The following MALRD1 variants were observed in gnomAD, a reference collection of about 807,000 sequenced individuals.
MALRD1 encodes MAM and LDL receptor class A domain containing 1, also known as MAM and LDL-receptor class A domain-containing protein 1.
In MALRD1, 247 loss-of-function variants were observed where a neutral mutation model predicts 242.1. The ratio of observed to expected loss-of-function variants is 1.02; its 90% CI spans 0.92 to 1.13. The LOEUF (loss-of-function observed/expected upper bound fraction) is 1.13. Among genes scored for constraint, MALRD1 ranks in the 50% most tolerant of loss-of-function variants. MALRD1 has a pLI of 0.00. For missense variants in MALRD1, 2,989 were observed against 2,533.1 expected (o/e 1.18, Z -3.86); for synonymous variants, 995 against 866.6 (o/e 1.15, Z -2.60).
At chr10:19,310,224 G>A (rs907687802) in intron 21 of MALRD1, among the ~76,000 whole-genome samples, 2 of 151,416 alleles carry the variant, frequency 1.3e-5, no homozygotes, top group African/African-American at 4.8e-5. Flanking sequence ...GCTTAGATTT[G>A]CTTTTTTACT....
At chr10:19,259,587 C>T (rs113953636) in intron 19 of MALRD1, among the ~76,000 whole-genome samples, 10 of 152,204 alleles carry the variant, frequency 6.6e-5, no homozygotes, top group South Asian at 2.1e-4. Context: ...GACCCGCCCC[C>T]GTGATTCAAT....
At chr10:19,113,802 C>CACAG (rs1176647590) in intron 5 of MALRD1, among the ~76,000 whole-genome samples, 33 of 140,276 alleles carry the variant, frequency 2.4e-4, no homozygotes, top group African/African-American at 8.6e-4. Flanking sequence ...TACACACACA[C>CACAG]ACACACACAC....
chr10:19,203,076 A>G (rs1836620279), intron 14 of MALRD1, among the ~76,000 whole-genome samples: 1 of 152,164 alleles, frequency 6.6e-6, no homozygotes, highest in African/African-American at 2.4e-5. Context: ...TTATTACATT[A>G]CTAACATTAT....
intron 18 of MALRD1, among the ~76,000 whole-genome samples, chr10:19,222,204 C>T (rs1008019921): frequency 2.0e-5 from 3 of 151,994 alleles, no homozygotes; most frequent in Non-Finnish European, 4.4e-5. Context: ...CCTGGAAGCA[C>T]ATATACCAGC....
intron 5 of MALRD1, among the ~76,000 whole-genome samples, chr10:19,118,551 C>T (rs184180459): frequency 1.3e-5 from 2 of 152,104 alleles, no homozygotes; most frequent in East Asian, 1.9e-4. Flanking sequence ...AATAAGAGCT[C>T]GTAGAGACCA....
At chr10:19,425,927 G>A (rs189160031) in intron 28 of MALRD1, among the ~76,000 whole-genome samples, 3 of 152,034 alleles carry the variant, frequency 2.0e-5, no homozygotes, top group Admixed American at 1.3e-4. Context: ...TCTAATCCAT[G>A]ACAAATTAAA....
Position 19,630,056 on chromosome 10 carries a change from G to C in MALRD1, c.6137+14133G>C, listed in dbSNP as rs527290216. On this transcript the variant is annotated intron_variant, in intron 36 of 39. Coordinates refer to ENST00000454679, the MANE Select transcript of MALRD1 (RefSeq NM_001142308.3). ...CCCCTTGGGACTTTTCTTATCCTCT[G>C]AAAGAACTAGTTTATGTTTGCTGTT... 2.6e-5 allele frequency among the ~76,000 whole-genome samples: 4 copies of C among 152,270 alleles called. No homozygotes were observed. The South Asian group carries it at 8.3e-4, about 32-fold the overall frequency.
chr10:19,466,708 A>AT (rs1210706651), intron 29 of MALRD1, among the ~76,000 whole-genome samples: 1 of 151,808 alleles, frequency 6.6e-6, no homozygotes, highest in African/African-American at 2.4e-5. Flanking sequence ...TGAATTTTTT[A>AT]TTTTTTCAGA....
At chr10:19,394,025 G>A (rs1846463585) in intron 28 of MALRD1, among the ~76,000 whole-genome samples, 1 of 152,124 alleles carries the variant, frequency 6.6e-6, no homozygotes, top group Admixed American at 6.5e-5. Context: ...ATTACTGCAT[G>A]CTTTAGGGAA....
chr10:19,192,758 G>T (rs11008870), intron 14 of MALRD1, among the ~76,000 whole-genome samples: 25,396 of 152,074 alleles, frequency 0.17, 2,281 homozygotes, highest in Non-Finnish European at 0.2. Flanking sequence ...TACATAGCAA[G>T]AGAAAACTAA....
Position 19,095,642 on chromosome 10 carries a change from A to G in MALRD1, c.597+7457A>G, listed in dbSNP as rs561548482. ...TGATTGATAGGTATGGGGAGGGGAT[A>G]CTATGTGTCCCTGGGCCCTGAAGAC... On this transcript the variant is annotated intron_variant, in intron 4 of 39. Transcript: ENST00000454679. 2.6e-5 allele frequency among the ~76,000 whole-genome samples: 4 copies of G among 152,294 alleles called. No homozygotes were observed. The South Asian group carries it at 8.3e-4, about 32-fold the overall frequency.
chr10:19,718,795 A>G (rs762283628), intron 38 of MALRD1, among the ~76,000 whole-genome samples: 2 of 151,864 alleles, frequency 1.3e-5, no homozygotes, highest in Non-Finnish European at 2.9e-5. Flanking sequence ...CTTTTTCTAT[A>G]TATATTTTTG....
chr10:19,525,930 C>T (rs549310824), intron 31 of MALRD1, among the ~76,000 whole-genome samples: 18 of 152,176 alleles, frequency 1.2e-4, no homozygotes, highest in East Asian at 1.9e-4. Context: ...AACAAATAAA[C>T]GAAAATTCTG....
At chr10:19,546,956 C>T (rs1238125391) in intron 32 of MALRD1, among the ~76,000 whole-genome samples, 1 of 152,076 alleles carries the variant, frequency 6.6e-6, no homozygotes. Flanking sequence ...AACAGTAATT[C>T]AGCTTAGAAA....
chr10:19,171,852 A>G (rs1394999842), intron 13 of MALRD1, among the ~76,000 whole-genome samples: 1 of 144,418 alleles, frequency 6.9e-6, no homozygotes, highest in Non-Finnish European at 1.5e-5. Context: ...ATATACACAT[A>G]CATATATATA....
intron 32 of MALRD1, among the ~76,000 whole-genome samples, chr10:19,562,417 G>T (rs1449312948): frequency 6.6e-6 from 1 of 152,134 alleles, no homozygotes; most frequent in Non-Finnish European, 1.5e-5. Context: ...GAAACTCTGG[G>T]TGTCCTCAAA....
intron 18 of MALRD1, among the ~76,000 whole-genome samples, chr10:19,223,634 G>T (rs1837656612): frequency 6.6e-6 from 1 of 152,072 alleles, no homozygotes; most frequent in Non-Finnish European, 1.5e-5. Context: ...TGCTGTCGTG[G>T]TTTGCTGCAC....
chr10:19,574,093 A>C (rs1437135992), intron 33 of MALRD1, among the ~76,000 whole-genome samples: 1 of 152,238 alleles, frequency 6.6e-6, no homozygotes, highest in Non-Finnish European at 1.5e-5. Flanking sequence ...AAGAAAGTCA[A>C]GGGGAATAGT....
Position 19,587,389 on chromosome 10 carries a change from A to G in MALRD1, c.5681-7805A>G, listed in dbSNP as rs150285203. Among the ~76,000 whole-genome samples the G allele has an allele frequency of 3.8e-3, 579 of 152,372 alleles. 7 individuals are homozygous for G. In the East Asian group the frequency reaches 0.059, roughly 16 times the overall value. ...GCGTATGACAATGTTTGGCAACAAC[A>G]TAATTTCTGCACTTTAAAACTGAAG... On this transcript the variant is annotated intron_variant, in intron 33 of 39. Coordinates refer to ENST00000454679, the MANE Select transcript of MALRD1 (RefSeq NM_001142308.3).
Sources: gnomAD v4.1 joint callset for allele counts (sites outside exome capture counted in the v4.1 genomes callset) on GRCh38, gnomAD v4.1.1 for gene constraint, MANE v1.5 for transcripts, NCBI Gene and HGNC (gene_info 2026-07-23, HGNC 2026-07-21) for gene names.